Variants in RC3H1 observed in about 807,000 individuals in gnomAD.
RC3H1 encodes the protein roquin-1.
Under a neutral mutation model 138.2 loss-of-function variants are expected in RC3H1, and 50 were observed. The ratio of observed to expected loss-of-function variants is 0.36; its 90% CI spans 0.29 to 0.46. The LOEUF (loss-of-function observed/expected upper bound fraction) is 0.46. Among genes scored for constraint, RC3H1 ranks in the 20% least tolerant of loss-of-function variants. The pLI, the probability that RC3H1 is intolerant of heterozygous loss-of-function variation, is 1.00. For synonymous variants in RC3H1, 462 were observed against 489.1 expected (o/e 0.94, Z 0.73); for missense variants, 1,031 against 1,388.1 (o/e 0.74, Z 4.09).
rs545759365 is a variant in RC3H1, at chr1:173,956,721, T to C, written c.2370+4356A>G. On this transcript the variant is annotated intron_variant, in intron 13 of 19. Transcript: ENST00000367696. The stretch of plus-strand genomic sequence containing the variant: ...AAATATCACTCTGTATCCCATAAAC[T>C]TGTACAATTATAATGTGTCTACTAA... 3.0e-3 allele frequency among the ~76,000 whole-genome samples: 458 copies of C among 150,594 alleles called. No individual in the cohort carries two copies. The Middle Eastern group carries it at 0.031, about 10-fold the overall frequency.
intron 1 of RC3H1, among the ~76,000 whole-genome samples, chr1:173,999,225 C>A (rs559296835): frequency 6.6e-6 from 1 of 152,074 alleles, no homozygotes; most frequent in South Asian, 2.1e-4. Context: ...CCTGTCTCTA[C>A]TAAAAATACA....
intron 9 of RC3H1, among the ~76,000 whole-genome samples, chr1:173,965,624 A>G (rs1399596864): frequency 6.6e-6 from 1 of 152,148 alleles, no homozygotes; most frequent in African/African-American, 2.4e-5. Flanking sequence ...ATTATAAATT[A>G]TGCTATTAAT....
chr1:173,994,529 T>C (rs1661414745), intron 1 of RC3H1, among the ~76,000 whole-genome samples: 1 of 152,198 alleles, frequency 6.6e-6, no homozygotes, highest in Admixed American at 6.5e-5. Context: ...CTGGGTGTGA[T>C]GGCTCATGCC....
intron 2 of RC3H1, among the ~76,000 whole-genome samples, chr1:173,988,879 T>G (rs1358101961): frequency 6.6e-6 from 1 of 152,254 alleles, no homozygotes; most frequent in Non-Finnish European, 1.5e-5. Context: ...TTTGTCCATT[T>G]TAAAAACTGG....
chr1:173,945,644 C>A (rs983448578), intron 17 of RC3H1, among the ~76,000 whole-genome samples: 1 of 152,002 alleles, frequency 6.6e-6, no homozygotes, highest in African/African-American at 2.4e-5. Flanking sequence ...TGGTACAGAA[C>A]TACGTAAATG....
At chr1:173,992,104 T>C (rs1280056615) in intron 2 of RC3H1, among the ~76,000 whole-genome samples, 1 of 152,142 alleles carries the variant, frequency 6.6e-6, no homozygotes. Context: ...TTATGAACAA[T>C]AGTTTTCTCA....
In RC3H1 at chr1:173,972,417, T is replaced by G. The variant is rs867251481; in HGVS notation, c.1221+92A>C. 5 of 778,202 alleles carry G rather than the reference T, an allele frequency of 6.4e-6. No individual in the cohort carries two copies. In the South Asian group the frequency reaches 8.5e-5, roughly 13 times the overall value. 48.2% of individuals were successfully genotyped at this position (778,202 alleles called of 1,614,324 possible). ...AAAATGTTCATGTTATCTTTTTGGCTTTGTATCTGTAGGTATACCCACAGT... is the reference window on the plus strand; with the variant it reads ...AAAATGTTCATGTTATCTTTTTGGCGTTGTATCTGTAGGTATACCCACAGT... On this transcript the variant is annotated intron_variant, in intron 8 of 19. Coordinates refer to ENST00000367696, the MANE Select transcript of RC3H1 (RefSeq NM_172071.4).
chr1:173,995,124 A>G (rs1189708414), intron 1 of RC3H1, among the ~76,000 whole-genome samples: 2 of 152,202 alleles, frequency 1.3e-5, no homozygotes, highest in African/African-American at 4.8e-5. Flanking sequence ...ATTTATGGTA[A>G]GATTTTAAAG....
rs60694243 is a variant in RC3H1, at chr1:173,942,428, C to CAAAAAAAAAAAA, written c.3135+1002_3135+1013dup. On this transcript the variant is annotated intron_variant, in intron 18 of 19. Transcript: ENST00000367696. ...ACCCTGGGTGACAGAGACTCAGTCT[C>CAAAAAAAAAAAA]AAAAAAAAAAAAAAAAAAAAAAGAA... Among the ~76,000 whole-genome samples, 16 of 38,080 alleles carry CAAAAAAAAAAAA rather than the reference C, an allele frequency of 4.2e-4. 1 individual carries two copies. Among genetic ancestry groups the CAAAAAAAAAAAA allele is most frequent in the African/African-American group, 2.1e-3 (15 of 6,988 alleles). 25.0% of individuals were successfully genotyped at this position (38,080 alleles called of 152,430 possible).
chr1:174,005,738 C>T (rs937449240), intron 1 of RC3H1, among the ~76,000 whole-genome samples: 2 of 152,072 alleles, frequency 1.3e-5, no homozygotes, highest in African/African-American at 2.4e-5. Context: ...ACCATTTGTG[C>T]TTAATTTAAA....
chr1:174,008,923 GCCAAGATCGTACCACTGCACT>G (rs1661701953), intron 1 of RC3H1, among the ~76,000 whole-genome samples: 1 of 148,014 alleles, frequency 6.8e-6, no homozygotes, highest in African/African-American at 2.5e-5. Context: ...GTTGCAGTGA[GCCAAGATCGTACCACTGCACT>G]CCAGCCTAGG....
chr1:173,971,170 C>T (rs868331569), intron 8 of RC3H1, among the ~76,000 whole-genome samples: 3 of 151,962 alleles, frequency 2.0e-5, no homozygotes, highest in Admixed American at 6.6e-5. Context: ...TCATGTTAGC[C>T]AGGCTGGTCT....
Position 173,984,638 on chromosome 1 carries a change from G to T in RC3H1, c.232-19C>A, listed in dbSNP as rs1660951059. 2 of 1,609,890 alleles carry T rather than the reference G, an allele frequency of 1.2e-6. No individual in the cohort carries two copies. The highest frequency in any genetic ancestry group is 1.7e-6 in the Non-Finnish European group (2 of 1,178,806). ...CAGGGACCTGGAGGCCAAAAGAAAA[G>T]ATCTGTATGAGTGCTCAATTCATTA... On this transcript the variant is annotated intron_variant, in intron 2 of 19. Coordinates refer to ENST00000367696, the MANE Select transcript of RC3H1 (RefSeq NM_172071.4).
intron 6 of RC3H1, among the ~76,000 whole-genome samples, chr1:173,979,902 C>T (rs904205827): frequency 6.6e-6 from 1 of 152,020 alleles, no homozygotes; most frequent in African/African-American, 2.4e-5. Flanking sequence ...CTTTTTATCC[C>T]CCCTAAAGAG....
intron 6 of RC3H1, among the ~76,000 whole-genome samples, chr1:173,979,430 G>A (rs140338393): frequency 2.6e-4 from 40 of 152,244 alleles, no homozygotes; most frequent in African/African-American, 7.9e-4. Flanking sequence ...GGCAGATGAC[G>A]ATGTCAGGAG....
At position 173,963,463 on chromosome 1, in the gene RC3H1, T is replaced by C. The variant is rs917678225; in HGVS notation, c.1831+510A>G. 1.8e-4 allele frequency among the ~76,000 whole-genome samples: 27 copies of C among 152,200 alleles called. 1 individual carries two copies. Among genetic ancestry groups the C allele is most frequent in the Admixed American group, 1.6e-3 (24 of 15,274 alleles). ...CACACATGCATCTACTACTCATGCA[T>C]ATAGTTTTCTATTCTTTACCATTAT... On this transcript the variant is annotated intron_variant, in intron 11 of 19. Transcript: ENST00000367696.
intron 18 of RC3H1, among the ~76,000 whole-genome samples, chr1:173,942,659 C>T (rs1571165004): frequency 6.6e-6 from 1 of 151,594 alleles, no homozygotes; most frequent in East Asian, 2.0e-4. Flanking sequence ...GGTGAAACCC[C>T]GTCTCTACTA....
In RC3H1 at chr1:173,993,077, T is replaced by C; in HGVS notation, c.-92A>G. On this transcript the variant is annotated 5_prime_UTR_variant, in exon 2 of 20. Coordinates refer to ENST00000367696, the MANE Select transcript of RC3H1 (RefSeq NM_172071.4). ...ATCAAAATCTTTGAAAAAAAGTTTA[T>C]CTTTTTTTTTTTTAAATATCTTCTG... 1 of 905,398 alleles carries C rather than the reference T, an allele frequency of 1.1e-6. No homozygotes were observed. The highest frequency in any genetic ancestry group is 1.7e-6 in the Non-Finnish European group (1 of 585,942). 56.1% of individuals were successfully genotyped at this position (905,398 alleles called of 1,614,324 possible).
intron 13 of RC3H1, among the ~76,000 whole-genome samples, chr1:173,955,905 T>C (rs1013720361): frequency 6.6e-6 from 1 of 151,978 alleles, no homozygotes; most frequent in Non-Finnish European, 1.5e-5. Flanking sequence ...CCGAGGTGGC[T>C]AGATCATCTG....
Sources: allele counts gnomAD v4.1 joint callset (sites outside exome capture counted in the v4.1 genomes callset), GRCh38; gene constraint gnomAD v4.1.1; transcripts MANE v1.5; gene names NCBI Gene and HGNC (gene_info 2026-07-23, HGNC 2026-07-21).